DPP10: variants seen among roughly 807,000 people sequenced by gnomAD.
DPP10 encodes dipeptidyl peptidase like 10.
DPP10 carries 33 observed loss-of-function variants against 120.9 expected under a neutral mutation model. The ratio of observed to expected loss-of-function variants is 0.27; its 90% CI spans 0.21 to 0.37. The LOEUF is 0.37. DPP10 is among the 10% of genes least tolerant of loss of function. The pLI, the probability that DPP10 is intolerant of heterozygous loss-of-function variation, is 1.00. For missense variants in DPP10, 816 were observed against 942.8 expected, an observed-to-expected ratio of 0.87 and a Z score of 1.76; for synonymous variants, 337 against 326.1, an observed-to-expected ratio of 1.03 and a Z score of -0.36.
At chr2:115,820,421 A>ATTT (rs577009474) in intron 21 of DPP10, among the ~76,000 whole-genome samples, 5 of 146,930 alleles carry the variant, frequency 3.4e-5, no homozygotes, top group African/African-American at 1.3e-4. Context: ...TAGTGAATTG[A>ATTT]TTTTTTTTTC....
At chr2:114,507,491 A>T (rs552243079) in intron 1 of DPP10, among the ~76,000 whole-genome samples, 1 of 152,164 alleles carries the variant, frequency 6.6e-6, no homozygotes, top group East Asian at 1.9e-4. Context: ...AACTACCTTA[A>T]AATCAGCTTA....
At chr2:114,879,853 A>T (rs1691465116) in intron 1 of DPP10, among the ~76,000 whole-genome samples, 1 of 152,110 alleles carries the variant, frequency 6.6e-6, no homozygotes, top group African/African-American at 2.4e-5. Context: ...GCTTCCCTCA[A>T]GGCTGGATTA....
intron 5 of DPP10, among the ~76,000 whole-genome samples, chr2:115,563,941 A>G (rs2080841157): frequency 6.6e-6 from 1 of 152,206 alleles, no homozygotes; most frequent in African/African-American, 2.4e-5. Flanking sequence ...CCTAAGATTG[A>G]CATGCAATAT....
chr2:115,478,567 A>T (rs903918389), intron 3 of DPP10, among the ~76,000 whole-genome samples: 2 of 152,108 alleles, frequency 1.3e-5, no homozygotes, highest in Non-Finnish European at 1.5e-5. Flanking sequence ...GGACTTATAA[A>T]TTTTTTTAAG....
chr2:115,735,992 A>G (rs1454912334), intron 8 of DPP10, among the ~76,000 whole-genome samples: 1 of 152,034 alleles, frequency 6.6e-6, no homozygotes, highest in East Asian at 1.9e-4. Context: ...GAGGACCATC[A>G]TCAGACCCAG....
chr2:115,356,311 A>G (rs1304835346), intron 3 of DPP10, among the ~76,000 whole-genome samples: 1 of 151,864 alleles, frequency 6.6e-6, no homozygotes, highest in Non-Finnish European at 1.5e-5. Flanking sequence ...TATTCTCTAT[A>G]TAGAAGTTGT....
chr2:115,266,496 G>A (rs181865580), intron 1 of DPP10, among the ~76,000 whole-genome samples: 1 of 152,210 alleles, frequency 6.6e-6, no homozygotes, highest in Non-Finnish European at 1.5e-5. Flanking sequence ...GGATAACTAG[G>A]TACACTCTTG....
chr2:115,184,582 G>A (rs945087105), intron 1 of DPP10, among the ~76,000 whole-genome samples: 18 of 152,196 alleles, frequency 1.2e-4, no homozygotes, highest in African/African-American at 3.6e-4. Flanking sequence ...GAGAGCTGCA[G>A]CAGGCAAAGC....
intron 1 of DPP10, among the ~76,000 whole-genome samples, chr2:114,809,823 G>C (rs778760177): frequency 4.6e-5 from 7 of 152,156 alleles, no homozygotes; most frequent in Non-Finnish European, 8.8e-5. Flanking sequence ...ATCCCCAGGT[G>C]ATGCAGATGC....
At chr2:114,456,230 G>A (rs1487414732) in intron 1 of DPP10, among the ~76,000 whole-genome samples, 5 of 152,302 alleles carry the variant, frequency 3.3e-5, no homozygotes, top group East Asian at 1.9e-4. Context: ...TCCAGAAAGC[G>A]CATCTAATGG....
chr2:115,615,452 G>A (rs1376400939), intron 5 of DPP10, among the ~76,000 whole-genome samples: 1 of 152,010 alleles, frequency 6.6e-6, no homozygotes, highest in Non-Finnish European at 1.5e-5. Context: ...GAACGGCATC[G>A]CACATGCTAC....
intron 3 of DPP10, among the ~76,000 whole-genome samples, chr2:115,358,165 G>T (rs2064530117): frequency 6.6e-6 from 1 of 152,074 alleles, no homozygotes; most frequent in South Asian, 2.1e-4. Flanking sequence ...CAGAAAATGG[G>T]TTTTTCTTTT....
intron 1 of DPP10, among the ~76,000 whole-genome samples, chr2:114,728,166 C>A (rs547110498): frequency 6.6e-5 from 10 of 152,250 alleles, no homozygotes; most frequent in Admixed American, 5.9e-4. Flanking sequence ...GCGAACAGAC[C>A]ACTAAGGTAG....
chr2:115,414,752 CA>C (rs200628566), intron 3 of DPP10, among the ~76,000 whole-genome samples: 3 of 151,732 alleles, frequency 2.0e-5, no homozygotes, highest in Non-Finnish European at 4.4e-5. Context: ...AAAATCCAAG[CA>C]AAAAAAGAAA....
chr2:114,794,947 A>G (rs1290400367), intron 1 of DPP10, among the ~76,000 whole-genome samples: 1 of 152,230 alleles, frequency 6.6e-6, no homozygotes, highest in Non-Finnish European at 1.5e-5. Context: ...ACATATCACT[A>G]TTAATAATCT....
chr2:114,811,942 G>T (rs1004329963), intron 1 of DPP10, among the ~76,000 whole-genome samples: 1 of 152,182 alleles, frequency 6.6e-6, no homozygotes, highest in Non-Finnish European at 1.5e-5. Context: ...CGGAGACCTT[G>T]TATCTCTGCT....
intron 3 of DPP10, among the ~76,000 whole-genome samples, chr2:115,363,030 C>G (rs1042290460): frequency 1.3e-5 from 2 of 152,186 alleles, no homozygotes; most frequent in African/African-American, 4.8e-5. Context: ...GTTCATGACC[C>G]AAGCCATTAG....
chr2:114,606,600 C>A (rs1692824874), intron 1 of DPP10, among the ~76,000 whole-genome samples: 1 of 152,082 alleles, frequency 6.6e-6, no homozygotes, highest in Non-Finnish European at 1.5e-5. Flanking sequence ...GAATGACAGT[C>A]TGGAAGGGGA....
intron 3 of DPP10, among the ~76,000 whole-genome samples, chr2:115,369,031 A>G (rs1309569804): frequency 1.3e-5 from 2 of 152,116 alleles, no homozygotes; most frequent in East Asian, 3.9e-4. Context: ...TAGGCTCTGC[A>G]TATATTAACA....
Sources: allele counts gnomAD v4.1 joint callset (sites outside exome capture counted in the v4.1 genomes callset), GRCh38; gene constraint gnomAD v4.1.1; transcripts MANE v1.5; gene names NCBI Gene and HGNC (gene_info 2026-07-23, HGNC 2026-07-21).